Variants in EIF4G3 observed in about 807,000 individuals in gnomAD.
The protein encoded by EIF4G3 is eukaryotic translation initiation factor 4 gamma 3.
EIF4G3 carries 34 observed loss-of-function variants against 186.4 expected under a neutral mutation model. The observed-to-expected ratio is 0.18, with a 90% CI of 0.14 to 0.24. The LOEUF is 0.24. EIF4G3 is among the 10% of genes least tolerant of loss of function. EIF4G3 has a pLI of 1.00. For missense variants in EIF4G3, 1,536 were observed against 1,948.5 expected (o/e 0.79, Z 3.99); for synonymous variants, 673 against 679.5 (o/e 0.99, Z 0.15).
chr1:21,133,502 G>A (rs2097189993), intron 2 of EIF4G3, among the ~76,000 whole-genome samples: 1 of 152,204 alleles, frequency 6.6e-6, no homozygotes, highest in Non-Finnish European at 1.5e-5. Flanking sequence ...TGGGATTACA[G>A]GCATGAGCCA....
chr1:21,139,674 C>T (rs1017318119), intron 2 of EIF4G3, among the ~76,000 whole-genome samples: 2 of 152,120 alleles, frequency 1.3e-5, no homozygotes, highest in Non-Finnish European at 2.9e-5. Flanking sequence ...AAAACTAAAG[C>T]TGCAAAATCT....
At chr1:21,006,012 C>T (rs918305192) in intron 4 of EIF4G3, among the ~76,000 whole-genome samples, 7 of 152,116 alleles carry the variant, frequency 4.6e-5, no homozygotes, top group Non-Finnish European at 1.0e-4. Flanking sequence ...CATTATACCA[C>T]TAGCAATATG....
Position 21,104,697 on chromosome 1 carries a change from G to A in EIF4G3, c.-271-15484C>T, listed in dbSNP as rs113105091. Among the ~76,000 whole-genome samples, 556 of 152,276 alleles carry A rather than the reference G, an allele frequency of 3.7e-3. 5 individuals carry two copies. Among genetic ancestry groups the A allele is most frequent in the African/African-American group, 0.013 (523 of 41,568 alleles). ...CAAAGAACTTAAACCATTTGACCCA[G>A]CAATCCCATTATTGGGTATATACCC... On this transcript the variant is annotated intron_variant, in intron 2 of 36. Coordinates refer to ENST00000602326, the MANE Select transcript of EIF4G3 (RefSeq NM_001391906.1).
intron 2 of EIF4G3, among the ~76,000 whole-genome samples, chr1:21,090,423 AT>A (rs1306443122): frequency 2.0e-5 from 3 of 152,252 alleles, no homozygotes; most frequent in African/African-American, 7.2e-5. Flanking sequence ...CCATGAGGAT[AT>A]TACATGACAT....
chr1:21,154,202 C>T (rs1326515927), intron 2 of EIF4G3, among the ~76,000 whole-genome samples: 1 of 152,134 alleles, frequency 6.6e-6, no homozygotes, highest in Non-Finnish European at 1.5e-5. Flanking sequence ...TAGGAATGTG[C>T]CTCTGGTTGC....
At chr1:21,116,893 C>G (rs906437570) in intron 2 of EIF4G3, among the ~76,000 whole-genome samples, 4 of 150,130 alleles carry the variant, frequency 2.7e-5, no homozygotes, top group Non-Finnish European at 5.9e-5. Context: ...ACACAAGTAT[C>G]TGTTATATTA....
chr1:21,000,138 A>AC (rs1185655393), intron 6 of EIF4G3, among the ~76,000 whole-genome samples: 1 of 151,992 alleles, frequency 6.6e-6, no homozygotes, highest in African/African-American at 2.4e-5. Context: ...TAAAAAAAAA[A>AC]AACAACTACT....
At chr1:20,868,090 CT>C (rs66560662) in intron 20 of EIF4G3, among the ~76,000 whole-genome samples, 27 of 90,434 alleles carry the variant, frequency 3.0e-4, no homozygotes, top group Admixed American at 1.4e-3. Context: ...TGGTGATTTT[CT>C]TTTTTTTTTT....
At chr1:20,949,596 T>G (rs957107039) in intron 13 of EIF4G3, among the ~76,000 whole-genome samples, 1 of 152,190 alleles carries the variant, frequency 6.6e-6, no homozygotes, top group African/African-American at 2.4e-5. Flanking sequence ...CCCAAACTTG[T>G]AAGAAGAAAT....
At chr1:20,945,364 A>G (rs901640134) in intron 13 of EIF4G3, among the ~76,000 whole-genome samples, 1 of 152,242 alleles carries the variant, frequency 6.6e-6, no homozygotes, top group Non-Finnish European at 1.5e-5. Context: ...AGATTTATTA[A>G]AGAAATGATA....
chr1:21,161,016 C>T (rs1400796820), intron 2 of EIF4G3, among the ~76,000 whole-genome samples: 3 of 151,954 alleles, frequency 2.0e-5, no homozygotes, highest in Non-Finnish European at 1.5e-5. Flanking sequence ...AATAAAAATA[C>T]AAAAATTAGC....
At chr1:21,138,909 A>G (rs2097293527) in intron 2 of EIF4G3, among the ~76,000 whole-genome samples, 1 of 152,156 alleles carries the variant, frequency 6.6e-6, no homozygotes, top group Non-Finnish European at 1.5e-5. Flanking sequence ...TTTTCAGACA[A>G]AGTCTCACCC....
chr1:21,015,401 A>T (rs1178826541), intron 4 of EIF4G3, among the ~76,000 whole-genome samples: 1 of 152,136 alleles, frequency 6.6e-6, no homozygotes, highest in East Asian at 1.9e-4. Flanking sequence ...ACATGGATAT[A>T]TGATAGCAAG....
chr1:21,161,705 C>G (rs1244875284), intron 2 of EIF4G3: 1 of 150,862 alleles, frequency 6.6e-6, no homozygotes, highest in Non-Finnish European at 1.5e-5. Context: ...GGCTCATGCG[C>G]CAGTGTAATC....
intron 2 of EIF4G3, among the ~76,000 whole-genome samples, chr1:21,145,780 C>T (rs2097429128): frequency 6.6e-6 from 1 of 151,964 alleles, no homozygotes; most frequent in African/African-American, 2.4e-5. Context: ...TTCTCAAAGG[C>T]TAAAAATTAC....
At chr1:21,128,734 T>C (rs1214523567) in intron 2 of EIF4G3, among the ~76,000 whole-genome samples, 2 of 152,178 alleles carry the variant, frequency 1.3e-5, no homozygotes, top group African/African-American at 4.8e-5. Context: ...TTTTTTCACC[T>C]GGTATTTCAA....
chr1:21,113,660 G>T (rs1296937248), intron 2 of EIF4G3, among the ~76,000 whole-genome samples: 2 of 152,018 alleles, frequency 1.3e-5, no homozygotes, highest in Admixed American at 6.6e-5. Flanking sequence ...TTGGTCACCT[G>T]GAAAATACTG....
At chr1:21,115,097 T>C (rs1489039187) in intron 2 of EIF4G3, among the ~76,000 whole-genome samples, 1 of 152,192 alleles carries the variant, frequency 6.6e-6, no homozygotes, top group Non-Finnish European at 1.5e-5. Flanking sequence ...TAGTATAATC[T>C]TATCATGTGT....
chr1:21,149,353 C>G (rs1014600729), intron 2 of EIF4G3, among the ~76,000 whole-genome samples: 1 of 151,252 alleles, frequency 6.6e-6, no homozygotes, highest in South Asian at 2.1e-4. Flanking sequence ...TTTTTTTTCC[C>G]TGTATTTTCC....
Sources: gnomAD v4.1 joint callset for allele counts (sites outside exome capture counted in the v4.1 genomes callset) on GRCh38, gnomAD v4.1.1 for gene constraint, MANE v1.5 for transcripts, NCBI Gene and HGNC (gene_info 2026-07-23, HGNC 2026-07-21) for gene names.